ATG16L2: variants seen among roughly 807,000 people sequenced by gnomAD.
ATG16L2 encodes protein Atg16l2.
Under a neutral mutation model 84.7 loss-of-function variants are expected in ATG16L2, and 77 were observed. That is an observed-to-expected ratio of 0.91 (90% CI 0.76 to 1.10). The LOEUF (loss-of-function observed/expected upper bound fraction) is 1.10, where lower values mean the gene tolerates loss of function less well. Ranked by LOEUF, ATG16L2 falls within the 50% of genes least tolerant of loss-of-function variation. ATG16L2 has a pLI of 0.00. For missense variants in ATG16L2, 782 were observed against 817.6 expected (o/e 0.96, Z 0.53); for synonymous variants, 361 against 342.8 (o/e 1.05, Z -0.59).
intron 5 of ATG16L2, among the ~76,000 whole-genome samples, chr11:72,839,218 TAG>T (rs1860827687): frequency 6.6e-6 from 1 of 152,102 alleles, no homozygotes; most frequent in African/African-American, 2.4e-5. Context: ...GTGTCTTGGG[TAG>T]AGAGTTACAA....
intron 3 of ATG16L2, 94 bp downstream of exon 3, chr11:72,817,949 A>G: frequency 8.8e-7 from 1 of 1,134,522 alleles, no homozygotes; most frequent in Middle Eastern, 2.5e-4. Flanking sequence ...GAATTCTCCA[A>G]GCCCAGTGCT....
chr11:72,839,511 C>T (rs1309804917), intron 5 of ATG16L2, among the ~76,000 whole-genome samples: 3 of 152,098 alleles, frequency 2.0e-5, no homozygotes, highest in Non-Finnish European at 4.4e-5. Context: ...AACGAGGGTA[C>T]TGGCAGTAGG....
chr11:72,834,993 C>T, intron 5 of ATG16L2, among the ~76,000 whole-genome samples: 1 of 152,186 alleles, frequency 6.6e-6, no homozygotes. Flanking sequence ...GGGTCTCTGG[C>T]TTGTGAATGT....
chr11:72,819,833 C>G (rs1016751063), intron 3 of ATG16L2, among the ~76,000 whole-genome samples: 7 of 152,080 alleles, frequency 4.6e-5, no homozygotes, highest in Non-Finnish European at 1.0e-4. Context: ...GCAACCTCAG[C>G]CTCCCGGGTT....
At chr11:72,836,387 G>C (rs1860727975) in intron 5 of ATG16L2, among the ~76,000 whole-genome samples, 1 of 152,214 alleles carries the variant, frequency 6.6e-6, no homozygotes, top group African/African-American at 2.4e-5. Flanking sequence ...GGACTTCAGT[G>C]ACCTTCCTCT....
chr11:72,822,254 C>T lies in ATG16L2; in HGVS notation c.603C>T (p.Arg201=). The part of the protein sequence containing the change: ...LLERLVQRKA[R]AAAERNLRNE... ...AGAGGCTCGTGCAGCGCAAGGCGCG[C>T]GCCGCGGCCGAGCGCAACCTGCGCA... Residue 201 remains arginine (R), a synonymous_variant, in exon 5 of 18, where the codon CGC becomes CGT. Coordinates refer to ENST00000321297, the MANE Select transcript of ATG16L2 (RefSeq NM_033388.2). The surrounding 1 kb of genome is among the most constrained non-coding windows in gnomAD (Gnocchi z 4.2). 1 of 1,498,926 alleles carries T rather than the reference C, an allele frequency of 6.7e-7. No individual in the cohort carries two copies. Among genetic ancestry groups the T allele is most frequent in the South Asian group, 1.3e-5 (1 of 79,444 alleles). The allele number at this position is 1,498,926 out of a possible 1,614,324, so 92.9% of individuals were successfully genotyped here.
At position 72,826,502 on chromosome 11, in the gene ATG16L2, T is replaced by G. The variant is rs945706022; in HGVS notation, c.1174-16T>G. 10 of 1,613,702 alleles carry G rather than the reference T, an allele frequency of 6.2e-6. No individual in the cohort carries two copies. The highest frequency in any genetic ancestry group is 7.6e-6 in the Non-Finnish European group (9 of 1,179,980). On this transcript the variant is annotated splice_polypyrimidine_tract_variant and intron_variant, in intron 11 of 17. Transcript: ENST00000321297. ...CTCCGGCTTAGCACCTCTCACTTCC[T>G]CTCCCATTTCTCCAGGGCTACCAGG...
At position 72,821,662 on chromosome 11, in the gene ATG16L2, C is replaced by T. The variant is rs1037423095; in HGVS notation, c.319-6C>T. ...AGCGCCGCCGTGCCCACCTGTCCGC[C>T]CCCAGATGGCCTACCAGGTGGTGGA... On this transcript the variant is annotated splice_region_variant and splice_polypyrimidine_tract_variant and intron_variant, in intron 3 of 17. Transcript: ENST00000321297. The T allele has an allele frequency of 9.8e-6, 15 of 1,534,414 alleles. No homozygotes were observed. Among genetic ancestry groups the T allele is most frequent in the Middle Eastern group, 2.0e-4 (1 of 5,034 alleles).
In ATG16L2 at chr11:72,829,447, G is replaced by A. The variant is rs1378135290; in HGVS notation, c.*57G>A. 46 of 1,579,656 alleles carry A rather than the reference G, an allele frequency of 2.9e-5. 2 individuals carry two copies. The highest frequency in any genetic ancestry group is 2.7e-4 in the South Asian group (24 of 88,670). The stretch of plus-strand genomic sequence containing the variant: ...TTGCCCGAAGCCTGAAGCTTCCTTC[G>A]GCGCCATGCAGGGGTTGGGGTTGGG... On this transcript the variant is annotated 3_prime_UTR_variant, in exon 18 of 18. Coordinates refer to ENST00000321297, the MANE Select transcript of ATG16L2 (RefSeq NM_033388.2).
At position 72,822,962 on chromosome 11, in the gene ATG16L2, G is replaced by T; in HGVS notation, c.824+1G>T. 1 of 1,558,332 alleles carries T rather than the reference G, an allele frequency of 6.4e-7. No individual in the cohort carries two copies. Among genetic ancestry groups the T allele is most frequent in the Non-Finnish European group, 8.7e-7 (1 of 1,149,552 alleles). ...GTGAGAAGTGGAAGAGGCCCTTCAG[G>T]TGAGGACCCAGGTGACAGTCTCAGA... On this transcript the variant is annotated splice_donor_variant, in intron 7 of 17. Transcript: ENST00000321297. LOFTEE classifies it high-confidence loss of function. This position sits in a 1 kb window ranked among gnomAD's most constrained non-coding sequence, Gnocchi z 4.2.
intron 11 of ATG16L2, 67 bp downstream of exon 11, chr11:72,826,310 G>A: frequency 6.5e-7 from 1 of 1,550,336 alleles, no homozygotes; most frequent in Non-Finnish European, 8.8e-7. Flanking sequence ...GCAGGTGGGG[G>A]CTGTGGGACC....
Position 72,821,739 on chromosome 11 carries a change from C to CGGGTG in ATG16L2, c.390_391insGGGTG (p.Arg131GlyfsTer2). On this transcript the variant is annotated frameshift_variant and splice_region_variant, in exon 4 of 18. Transcript: ENST00000321297. LOFTEE classifies it high-confidence loss of function. ...AGTCGGAGCTGCAGCAGAGGCAAAG[C>CGGGTG]AGGTGAGGCGCGGGCGGGGGCGGGA... 1 of 1,536,486 alleles carries CGGGTG rather than the reference C, an allele frequency of 6.5e-7. No homozygotes were observed. The highest frequency in any genetic ancestry group is 8.7e-7 in the Non-Finnish European group (1 of 1,145,934).
At chr11:72,816,279 T>G (rs4245436) in intron 1 of ATG16L2, 1 of 153,766 alleles carries the variant, frequency 6.5e-6, no homozygotes, top group Non-Finnish European at 1.5e-5. Context: ...CGCGCCCGGC[T>G]GGGGATTATT....
chr11:72,826,258 C>T lies in ATG16L2; in HGVS notation c.1173+15C>T. 6 of 1,612,814 alleles carry T rather than the reference C, an allele frequency of 3.7e-6. No homozygotes were observed. Among genetic ancestry groups the T allele is most frequent in the Non-Finnish European group, 5.1e-6 (6 of 1,179,334 alleles). The stretch of plus-strand genomic sequence containing the variant: ...TTGACCCCTCGGTGAGGAACTCTGC[C>T]CCAGTGGCATGGGATTGTGCCCTCT... On this transcript the variant is annotated intron_variant, in intron 11 of 17. Coordinates refer to ENST00000321297, the MANE Select transcript of ATG16L2 (RefSeq NM_033388.2).
intron 7 of ATG16L2, 40 bp from the exon 8 acceptor site, chr11:72,824,020 C>G (rs375195570): frequency 1.2e-6 from 2 of 1,610,048 alleles, no homozygotes; most frequent in African/African-American, 1.3e-5. Flanking sequence ...GTACACACAC[C>G]AGCCAGTCCC....
downstream of ATG16L2, among the ~76,000 whole-genome samples, chr11:72,830,424 C>CCA (rs1416219158): frequency 2.6e-5 from 4 of 152,174 alleles, no homozygotes; most frequent in African/African-American, 9.7e-5. Context: ...CCACTGTGGG[C>CCA]CACCTTCTAG....
chr11:72,839,382 C>T (rs537545331), intron 5 of ATG16L2, among the ~76,000 whole-genome samples: 1 of 152,178 alleles, frequency 6.6e-6, no homozygotes, highest in Admixed American at 6.5e-5. Context: ...AATATCAGAT[C>T]TGCGAAAAGA....
intron 8 of ATG16L2, 41 bp downstream of exon 8, chr11:72,824,163 CG>C: frequency 6.2e-7 from 1 of 1,612,544 alleles, no homozygotes; most frequent in Non-Finnish European, 8.5e-7. Context: ...ACGTGTGTGT[CG>C]GGCTCCCCAG....
In ATG16L2 at chr11:72,829,563, G is replaced by C. The variant is rs957926948; in HGVS notation, c.*173G>C. 2 of 1,372,796 alleles carry C rather than the reference G, an allele frequency of 1.5e-6. No individual in the cohort carries two copies. The highest frequency in any genetic ancestry group is 3.0e-5 in the African/African-American group (2 of 66,678). 85.0% of individuals were successfully genotyped at this position (1,372,796 alleles called of 1,614,324 possible). A position where few individuals can be genotyped will look rare whatever the true frequency, so the allele number is the denominator to read the frequency against. On this transcript the variant is annotated 3_prime_UTR_variant, in exon 18 of 18. Transcript: ENST00000321297. ...AATGAAGTATGGGTTGGGGGATTAC[G>C]CTAGTTTTTCTTTGTATTTTTATCT...
Sources: gnomAD v4.1 joint callset for allele counts (sites outside exome capture counted in the v4.1 genomes callset) on GRCh38, gnomAD v4.1.1 for gene constraint, Gnocchi (gnomAD v3.1) non-coding constraint, MANE v1.5 for transcripts, NCBI Gene and HGNC (gene_info 2026-07-23, HGNC 2026-07-21) for gene names.